NKAIN2: variants seen among roughly 807,000 people sequenced by gnomAD.
The protein encoded by NKAIN2 is sodium/potassium-transporting ATPase subunit beta-1-interacting protein 2.
In NKAIN2, 14 loss-of-function variants were observed where a neutral mutation model predicts 32.6. The observed-to-expected ratio is 0.43, with a 90% CI of 0.28 to 0.67. The LOEUF is 0.67. Among genes scored for constraint, NKAIN2 ranks in the 30% least tolerant of loss-of-function variants. NKAIN2 has a pLI of 0.17. For missense variants in NKAIN2, 198 were observed against 258.3 expected, an observed-to-expected ratio of 0.77 and a Z score of 1.60; for synonymous variants, 80 against 87.2, an observed-to-expected ratio of 0.92 and a Z score of 0.46.
chr6:124,407,318 T>C (rs975640167), intron 3 of NKAIN2, among the ~76,000 whole-genome samples: 12 of 151,718 alleles, frequency 7.9e-5, no homozygotes, highest in Non-Finnish European at 1.6e-4. Context: ...TAGCATTAGG[T>C]ATATCTCCTA....
chr6:123,903,440 T>TAC (rs1774700751), intron 1 of NKAIN2, among the ~76,000 whole-genome samples: 1 of 152,236 alleles, frequency 6.6e-6, no homozygotes, highest in Admixed American at 6.5e-5. Flanking sequence ...TTTTATGGTA[T>TAC]GCTTTATAAT....
chr6:124,495,991 GTC>G (rs1778048475), intron 3 of NKAIN2, among the ~76,000 whole-genome samples: 1 of 152,122 alleles, frequency 6.6e-6, no homozygotes, highest in South Asian at 2.1e-4. Flanking sequence ...AGTTTGACAA[GTC>G]TCTCTGCATG....
chr6:124,029,794 C>T (rs547012821), intron 1 of NKAIN2, among the ~76,000 whole-genome samples: 18 of 152,044 alleles, frequency 1.2e-4, no homozygotes, highest in Non-Finnish European at 2.4e-4. Flanking sequence ...TATTTACAGC[C>T]GCTCCCCATT....
chr6:124,336,595 C>T (rs572612981), intron 2 of NKAIN2, among the ~76,000 whole-genome samples: 2 of 151,830 alleles, frequency 1.3e-5, no homozygotes, highest in Non-Finnish European at 2.9e-5. Flanking sequence ...TTTTTTTAAA[C>T]ATAGTATTTA....
rs775001862 is a variant in NKAIN2, at chr6:124,033,497, T to C, written c.54+229243T>C. ...TTGGACATCAATTATATCTCACAGT[T>C]ATAAATGTACTTTCTAAGTAGCATT... On this transcript the variant is annotated intron_variant, in intron 1 of 6. Transcript: ENST00000368417. 8.7e-4 allele frequency among the ~76,000 whole-genome samples: 133 copies of C among 152,214 alleles called. 1 individual carries two copies. Among genetic ancestry groups the C allele is most frequent in the Non-Finnish European group, 1.8e-3 (119 of 67,980 alleles).
At chr6:124,719,455 C>T (rs2114627795) in intron 4 of NKAIN2, among the ~76,000 whole-genome samples, 1 of 152,270 alleles carries the variant, frequency 6.6e-6, no homozygotes, top group African/African-American at 2.4e-5. Context: ...ATTGTGCCTA[C>T]CAGGCAGCCA....
At chr6:124,257,489 G>T (rs1794005288) in intron 1 of NKAIN2, among the ~76,000 whole-genome samples, 1 of 152,054 alleles carries the variant, frequency 6.6e-6, no homozygotes, top group South Asian at 2.1e-4. Context: ...CCATATTTGA[G>T]ACTTCTTGAT....
intron 1 of NKAIN2, among the ~76,000 whole-genome samples, chr6:124,008,484 C>G (rs932844453): frequency 2.3e-5 from 2 of 88,790 alleles, no homozygotes; most frequent in Non-Finnish European, 4.5e-5. Context: ...AGAACTCAGT[C>G]TTACCCAGAG....
intron 2 of NKAIN2, among the ~76,000 whole-genome samples, chr6:124,345,401 A>T (rs1377378546): frequency 6.6e-6 from 1 of 152,192 alleles, no homozygotes; most frequent in Non-Finnish European, 1.5e-5. Flanking sequence ...TTGTTTCAGA[A>T]GGAATTAGTA....
chr6:123,873,973 A>G (rs923821368), intron 1 of NKAIN2, among the ~76,000 whole-genome samples: 1 of 152,188 alleles, frequency 6.6e-6, no homozygotes, highest in Non-Finnish European at 1.5e-5. Flanking sequence ...TTTGACATAC[A>G]GGAGGAGCAA....
At chr6:123,984,894 G>T (rs57590856) in intron 1 of NKAIN2, among the ~76,000 whole-genome samples, 2 of 152,008 alleles carry the variant, frequency 1.3e-5, no homozygotes, top group South Asian at 4.2e-4. Context: ...CATTCAATAA[G>T]CAAAATTATG....
intron 3 of NKAIN2, among the ~76,000 whole-genome samples, chr6:124,359,597 G>T (rs1799169915): frequency 6.6e-6 from 1 of 152,118 alleles, no homozygotes; most frequent in African/African-American, 2.4e-5. Context: ...GTATAAGAAT[G>T]CTTGTGATTT....
At chr6:124,708,701 T>G (rs1161974567) in intron 4 of NKAIN2, among the ~76,000 whole-genome samples, 1 of 152,120 alleles carries the variant, frequency 6.6e-6, no homozygotes, top group East Asian at 1.9e-4. Flanking sequence ...ATCCTGAGAC[T>G]TTGCTGAAGT....
chr6:124,455,135 C>T (rs1167523669), intron 3 of NKAIN2, among the ~76,000 whole-genome samples: 2 of 152,020 alleles, frequency 1.3e-5, no homozygotes, highest in Non-Finnish European at 2.9e-5. Context: ...GGTTACTCAT[C>T]GGTGTTCTGA....
chr6:124,021,316 T>C (rs894963354), intron 1 of NKAIN2, among the ~76,000 whole-genome samples: 6 of 152,084 alleles, frequency 3.9e-5, no homozygotes, highest in Non-Finnish European at 8.8e-5. Context: ...CACTGTTTAA[T>C]CTTTTGAAAG....
At chr6:124,451,604 A>T (rs1776110791) in intron 3 of NKAIN2, among the ~76,000 whole-genome samples, 1 of 152,180 alleles carries the variant, frequency 6.6e-6, no homozygotes, top group Non-Finnish European at 1.5e-5. Context: ...CTCACTGAGG[A>T]TAATCGAAGC....
At chr6:124,781,429 T>C (rs1433816851) in intron 4 of NKAIN2, among the ~76,000 whole-genome samples, 1 of 152,198 alleles carries the variant, frequency 6.6e-6, no homozygotes, top group Admixed American at 6.5e-5. Context: ...GCTATTACTT[T>C]AAATAGTAAT....
chr6:124,532,520 T>C (rs1232852856), intron 3 of NKAIN2, among the ~76,000 whole-genome samples: 1 of 152,134 alleles, frequency 6.6e-6, no homozygotes, highest in Non-Finnish European at 1.5e-5. Context: ...CAGTCTACTC[T>C]TATTGACAGA....
chr6:124,012,946 A>C (rs1204502434), intron 1 of NKAIN2, among the ~76,000 whole-genome samples: 1 of 152,112 alleles, frequency 6.6e-6, no homozygotes, highest in Non-Finnish European at 1.5e-5. Flanking sequence ...TTACATTTCC[A>C]CCAGTAGTTC....
Sources: gnomAD v4.1 joint callset for allele counts (sites outside exome capture counted in the v4.1 genomes callset) on GRCh38, gnomAD v4.1.1 for gene constraint, MANE v1.5 for transcripts, NCBI Gene and HGNC (gene_info 2026-07-23, HGNC 2026-07-21) for gene names.